NRG1: variants seen among roughly 807,000 people sequenced by gnomAD.
NRG1 encodes pro-neuregulin-1, membrane-bound isoform.
Under a neutral mutation model 63.8 loss-of-function variants are expected in NRG1, and 18 were observed. The observed-to-expected ratio is 0.28, with a 90% CI of 0.19 to 0.42. The LOEUF is 0.42. NRG1 is among the 10% of genes least tolerant of loss of function. NRG1 has a pLI of 1.00. For synonymous variants in NRG1, 302 were observed against 301.3 expected (o/e 1.00, Z -0.02); for missense variants, 762 against 814.7 (o/e 0.94, Z 0.79).
chr8:32,128,982 A>C (rs1340373931), intron 1 of NRG1, among the ~76,000 whole-genome samples: 1 of 151,924 alleles, frequency 6.6e-6, no homozygotes, highest in African/African-American at 2.4e-5. Flanking sequence ...AAATTTCAGC[A>C]CAAAGTCACT....
chr8:31,661,656 G>A (rs1157804391), intron 1 of NRG1, among the ~76,000 whole-genome samples: 1 of 152,166 alleles, frequency 6.6e-6, no homozygotes, highest in Admixed American at 6.5e-5. Flanking sequence ...TAGGTTTATA[G>A]CAAATGACTT....
At chr8:31,935,242 A>G (rs1835204367) in intron 1 of NRG1, among the ~76,000 whole-genome samples, 1 of 151,914 alleles carries the variant, frequency 6.6e-6, no homozygotes, top group Non-Finnish European at 1.5e-5. Context: ...TCAGCCTCCC[A>G]AGTAGCTAGG....
intron 1 of NRG1, among the ~76,000 whole-genome samples, chr8:31,711,629 T>C (rs937407753): frequency 5.3e-5 from 8 of 152,232 alleles, no homozygotes; most frequent in Admixed American, 1.3e-4. Context: ...GTTGTCTTTA[T>C]GTCTCTCTGT....
intron 1 of NRG1, among the ~76,000 whole-genome samples, chr8:32,055,544 C>T (rs1563732662): frequency 6.6e-6 from 1 of 152,024 alleles, no homozygotes; most frequent in African/African-American, 2.4e-5. Flanking sequence ...TCTCAGAAGA[C>T]AAATATAGAA....
intron 1 of NRG1, among the ~76,000 whole-genome samples, chr8:31,915,314 T>A (rs1356585643): frequency 6.6e-6 from 1 of 152,174 alleles, no homozygotes; most frequent in Non-Finnish European, 1.5e-5. Flanking sequence ...TAAATTACGA[T>A]GGCAGGCACA....
intron 1 of NRG1, among the ~76,000 whole-genome samples, chr8:31,971,899 G>A (rs1168825545): frequency 6.6e-6 from 1 of 151,978 alleles, no homozygotes; most frequent in Non-Finnish European, 1.5e-5. Context: ...TCTTCTGCTG[G>A]CTTAACTCGA....
At chr8:32,563,722 C>T (rs1427832466) in intron 1 of NRG1, among the ~76,000 whole-genome samples, 1 of 152,240 alleles carries the variant, frequency 6.6e-6, no homozygotes, top group African/African-American at 2.4e-5. Flanking sequence ...TTATTCTTCT[C>T]CATCCTTAAC....
chr8:31,936,324 G>A (rs1162420213), intron 1 of NRG1, among the ~76,000 whole-genome samples: 4 of 152,124 alleles, frequency 2.6e-5, no homozygotes, highest in African/African-American at 4.8e-5. Flanking sequence ...TAAGTTTTTT[G>A]TTGTAAAATA....
At chr8:32,748,705 T>C (rs1828058382) in intron 7 of NRG1, 1 of 456,284 alleles carries the variant, frequency 2.2e-6, no homozygotes, top group African/African-American at 2.0e-5. Context: ...GTGATTTCAC[T>C]GGCTCTCTGT....
chr8:32,029,745 G>A (rs568041606), intron 1 of NRG1, among the ~76,000 whole-genome samples: 5 of 152,134 alleles, frequency 3.3e-5, no homozygotes, highest in Admixed American at 6.5e-5. Context: ...GAATTACTAA[G>A]CAGAAACATT....
intron 1 of NRG1, among the ~76,000 whole-genome samples, chr8:32,059,279 C>T (rs553339175): frequency 6.6e-6 from 1 of 151,662 alleles, no homozygotes; most frequent in African/African-American, 2.4e-5. Flanking sequence ...TCTGCTTTCC[C>T]CCACTCCAAA....
At chr8:31,685,079 C>A (rs1424524977) in intron 1 of NRG1, among the ~76,000 whole-genome samples, 1 of 152,074 alleles carries the variant, frequency 6.6e-6, no homozygotes, top group African/African-American at 2.4e-5. Context: ...GATTTGCCTC[C>A]TTAATTTTCT....
intron 1 of NRG1, among the ~76,000 whole-genome samples, chr8:32,237,625 A>G (rs1037919311): frequency 6.6e-6 from 1 of 151,696 alleles, no homozygotes. Flanking sequence ...CTACCGGAGG[A>G]GGATTCTATT....
intron 1 of NRG1, among the ~76,000 whole-genome samples, chr8:32,144,044 A>G (rs986278878): frequency 6.6e-6 from 1 of 152,240 alleles, no homozygotes; most frequent in Non-Finnish European, 1.5e-5. Flanking sequence ...AAGCAGTTAG[A>G]ATGATGAGTC....
intron 5 of NRG1, among the ~76,000 whole-genome samples, chr8:32,658,804 C>A (rs1193052080): frequency 2.0e-5 from 3 of 152,136 alleles, no homozygotes; most frequent in African/African-American, 7.2e-5. Flanking sequence ...GTTTAAAAGG[C>A]AAATTTTAAT....
At chr8:32,260,900 T>C (rs4733313) in intron 1 of NRG1, among the ~76,000 whole-genome samples, 78,692 of 152,054 alleles carry the variant, frequency 0.52, 21,445 homozygotes, top group Admixed American at 0.66. Flanking sequence ...TTCTCACTTT[T>C]TTCCCTATTG....
chr8:32,557,449 T>C (rs1385450748), intron 1 of NRG1, among the ~76,000 whole-genome samples: 8 of 152,206 alleles, frequency 5.3e-5, no homozygotes, highest in Non-Finnish European at 1.2e-4. Context: ...ATAGTATTCC[T>C]TTTCCATTCT....
intron 1 of NRG1, among the ~76,000 whole-genome samples, chr8:31,655,890 C>T (rs1044676937): frequency 8.5e-5 from 13 of 152,170 alleles, no homozygotes; most frequent in African/African-American, 3.1e-4. Flanking sequence ...GGGAGGATGG[C>T]CCCCAGTGTT....
chr8:31,775,588 T>C (rs1385907771), intron 1 of NRG1, among the ~76,000 whole-genome samples: 1 of 152,054 alleles, frequency 6.6e-6, no homozygotes, highest in Non-Finnish European at 1.5e-5. Context: ...TTAAATATAT[T>C]TTAAAAATCC....
Sources: gnomAD v4.1 joint callset for allele counts (sites outside exome capture counted in the v4.1 genomes callset) on GRCh38, gnomAD v4.1.1 for gene constraint, MANE v1.5 for transcripts, NCBI Gene and HGNC (gene_info 2026-07-23, HGNC 2026-07-21) for gene names.